MYB: variants seen among roughly 807,000 people sequenced by gnomAD.
The protein encoded by MYB is MYB proto-oncogene, transcription factor.
Under a neutral mutation model 92.9 loss-of-function variants are expected in MYB, and 28 were observed. The observed-to-expected ratio is 0.30, with a 90% CI of 0.22 to 0.41. MYB has a LOEUF of 0.41. Ranked by LOEUF, MYB falls within the 10% of genes least tolerant of loss-of-function variation. The pLI, the probability that MYB is intolerant of heterozygous loss-of-function variation, is 1.00. For synonymous variants in MYB, 295 were observed against 329.1 expected, an observed-to-expected ratio of 0.90 and a Z score of 1.12; for missense variants, 679 against 929.3, an observed-to-expected ratio of 0.73 and a Z score of 3.50.
chr6:135,197,255 T>C lies in MYB; in HGVS notation c.1498T>C (p.Phe500Leu). ...CACTGGAGACTGTAGCTCCTTCATA[T>C]TTGCTGACGTCAGCAGTTCAACTCC... ...LATGDCSSFIFADVSSSTPKR... is the reference protein window; with the variant it reads ...LATGDCSSFILADVSSSTPKR... Residue 500 changes from phenylalanine (F) to leucine (L), a missense_variant, in exon 10 of 16, where the codon TTT becomes CTT. Coordinates refer to ENST00000341911, the MANE Select transcript of MYB (RefSeq NM_001130173.2). The C allele has an allele frequency of 6.2e-7, 1 of 1,613,986 alleles. No individual in the cohort carries two copies.
intron 15 of MYB, among the ~76,000 whole-genome samples, chr6:135,210,501 G>T (rs210949): frequency 0.37 from 55,588 of 152,106 alleles, 10,165 homozygotes; most frequent in East Asian, 0.4. Context: ...CTCAGCTTTC[G>T]GTTCAGCGTG....
In MYB at chr6:135,185,966, G is replaced by A; in HGVS notation, c.87G>A (p.Leu29=). ...FEMCDHDYDG[L]LPKSGKRHLG... is the part of the protein sequence containing the mutation. ...TGTGTGACCATGACTATGATGGGCTGCTTCCCAAGTCTGGAAAGCGTCACT... is the reference window on the plus strand; with the variant it reads ...TGTGTGACCATGACTATGATGGGCTACTTCCCAAGTCTGGAAAGCGTCACT... Residue 29 remains leucine, a synonymous_variant, in exon 2 of 16, where the codon CTG becomes CTA. Coordinates refer to ENST00000341911, the MANE Select transcript of MYB (RefSeq NM_001130173.2). 1 of 1,614,174 alleles carries A rather than the reference G, an allele frequency of 6.2e-7. No homozygotes were observed. The highest frequency in any genetic ancestry group is 8.5e-7 in the Non-Finnish European group (1 of 1,180,026).
rs1775283127 is a variant in MYB at position 135,182,845 on chromosome 6, C to G, written c.23+1309C>G. Among the ~76,000 whole-genome samples, 1 of 151,960 alleles carries G rather than the reference C, an allele frequency of 6.6e-6. No homozygotes were observed. The highest frequency in any genetic ancestry group is 2.1e-4 in the South Asian group (1 of 4,828). Reference sequence around the variant, plus strand: ...GCGGGCTGGGCTGGGCGGGGAGCAGCGCCGGGGCTTGGTTGGGCTCTGGGG... The same window carrying G: ...GCGGGCTGGGCTGGGCGGGGAGCAGGGCCGGGGCTTGGTTGGGCTCTGGGG... On this transcript the variant is annotated intron_variant, in intron 1 of 15. Transcript: ENST00000341911. This position sits in a 1 kb window ranked among gnomAD's most constrained non-coding sequence, Gnocchi z 5.6.
At chr6:135,194,999 T>C in intron 8 of MYB, 1 of 1,340,448 alleles carries the variant, frequency 7.5e-7, no homozygotes, top group Non-Finnish European at 9.8e-7. Flanking sequence ...CTTTAGCGAC[T>C]GGGCAGCCAA....
chr6:135,194,662 G>T, intron 8 of MYB: 1 of 568,954 alleles, frequency 1.8e-6, no homozygotes, highest in Non-Finnish European at 3.0e-6. Flanking sequence ...TTTTGTAATT[G>T]CAATAAAAAT....
At chr6:135,205,443 A>G (rs1334358939) in intron 15 of MYB, among the ~76,000 whole-genome samples, 1 of 152,226 alleles carries the variant, frequency 6.6e-6, no homozygotes, top group Non-Finnish European at 1.5e-5. Flanking sequence ...ACTTGGGGAC[A>G]ATTACCATTA....
chr6:135,181,431 A>G lies in MYB; in HGVS notation c.-83A>G. The G allele has an allele frequency of 1.0e-6, 1 of 984,764 alleles. No homozygotes were observed. The allele number at this position is 984,764 out of a possible 1,614,324, so 61.0% of individuals were successfully genotyped here. ...AGCGCCGCTGCGCAGCCGGGGAGGG[A>G]CGCAGGCAGGCGGCGGGCAGCGGGA... On this transcript the variant is annotated 5_prime_UTR_variant, in exon 1 of 16. Transcript: ENST00000341911. This position sits in a 1 kb window ranked among gnomAD's most constrained non-coding sequence, Gnocchi z 5.3.
Position 135,197,119 on chromosome 6 carries a change from T to A in MYB, c.1362T>A (p.Arg454=). The part of the protein sequence containing the change: ...AGEPSPRVNK[R]MLSESSLDPP... ...AACCTAGCCCAAGGGTGAACAAACG[T>A]ATGTTGAGTGAGAGTTCACTTGACC... The change falls in exon 10 of 16, where the codon CGT becomes CGA. Residue 454 remains arginine, a synonymous_variant. Transcript: ENST00000341911. 1 of 1,613,882 alleles carries A rather than the reference T, an allele frequency of 6.2e-7. No individual in the cohort carries two copies. Among genetic ancestry groups the A allele is most frequent in the Non-Finnish European group, 8.5e-7 (1 of 1,179,872 alleles).
rs1220889492 is a variant in MYB, at chr6:135,218,289, T to G, written c.*309T>G. ...AATGATTTATCTGTATTTTAAAGGATCCAACAGATCAGTATTTTTTCCTGT... is the reference window on the plus strand; with the variant it reads ...AATGATTTATCTGTATTTTAAAGGAGCCAACAGATCAGTATTTTTTCCTGT... On this transcript the variant is annotated 3_prime_UTR_variant, in exon 16 of 16. Coordinates refer to ENST00000341911, the MANE Select transcript of MYB (RefSeq NM_001130173.2). 3 of 307,506 alleles carry G rather than the reference T, an allele frequency of 9.8e-6. No individual in the cohort carries two copies. The highest frequency in any genetic ancestry group is 1.2e-5 in the Non-Finnish European group (2 of 164,058). The allele number at this position is 307,506 out of a possible 1,614,324, so 19.0% of individuals were successfully genotyped here.
intron 1 of MYB, among the ~76,000 whole-genome samples, chr6:135,183,952 G>T (rs962431755): frequency 1.3e-5 from 2 of 152,220 alleles, no homozygotes; most frequent in African/African-American, 4.8e-5. Flanking sequence ...AAGTCATACA[G>T]CTAGGTGGAG....
intron 15 of MYB, 107 bp downstream of exon 15, chr6:135,203,431 C>T (rs1291244698): frequency 3.4e-6 from 3 of 890,830 alleles, no homozygotes; most frequent in East Asian, 2.5e-5. Context: ...GTCTGTTTTT[C>T]GTTTTCAACA....
At chr6:135,203,807 A>G in intron 15 of MYB, 1 of 1,287,928 alleles carries the variant, frequency 7.8e-7, no homozygotes, top group Admixed American at 2.4e-5. Context: ...TGTCAGAATA[A>G]GAAAGTCAAC....
Position 135,200,421 on chromosome 6 carries a change from C to T in MYB, c.1950+6C>T. 1 of 1,614,044 alleles carries T rather than the reference C, an allele frequency of 6.2e-7. No individual in the cohort carries two copies. The highest frequency in any genetic ancestry group is 8.5e-7 in the Non-Finnish European group (1 of 1,180,006). On this transcript the variant is annotated splice_donor_region_variant and intron_variant, in intron 13 of 15. Transcript: ENST00000341911. The stretch of plus-strand genomic sequence containing the variant: ...TGAAGAAAATCAAACAAGAGGTAAA[C>T]ACGCAACCCTTTGGAAGCAACAAGC...
chr6:135,200,488 T>G, intron 13 of MYB, 73 bp downstream of exon 13: 1 of 1,596,186 alleles, frequency 6.3e-7, no homozygotes, highest in South Asian at 1.1e-5. Flanking sequence ...CAGCTTGATG[T>G]GTCTGCCATT....
rs752423593 is a variant in MYB, at chr6:135,195,903, C to A, written c.1104C>A (p.Ser368Arg). The stretch of plus-strand genomic sequence containing the variant: ...ATCCTGGCTCCCTACCTGAAGAAAG[C>A]GCCTCGCCAGCAAGGTGCATGATCG... ...PADPGSLPEE[S>R]ASPARCMIVH... Residue 368 changes from serine to arginine, a missense_variant, in exon 9 of 16, where the codon AGC becomes AGA. By Grantham distance (110) the Ser-to-Arg change is moderately radical. Transcript: ENST00000341911. The A allele has an allele frequency of 6.2e-7, 1 of 1,614,154 alleles. No homozygotes were observed. The highest frequency in any genetic ancestry group is 8.5e-7 in the Non-Finnish European group (1 of 1,180,028).
intron 15 of MYB, among the ~76,000 whole-genome samples, chr6:135,208,874 C>A (rs932120394): frequency 6.6e-6 from 1 of 152,076 alleles, no homozygotes; most frequent in Non-Finnish European, 1.5e-5. Flanking sequence ...AAAATTGAAA[C>A]AATTTCACAC....
chr6:135,184,322 C>CTTTTTTTTTTT, intron 1 of MYB, among the ~76,000 whole-genome samples: 8 of 68,406 alleles, frequency 1.2e-4, no homozygotes, highest in African/African-American at 2.4e-4. Context: ...GGCTTTATAG[C>CTTTTTTTTTTT]TTTTTTTTTT....
chr6:135,194,850 T>C, intron 8 of MYB: 1 of 1,092,560 alleles, frequency 9.2e-7, no homozygotes, highest in Non-Finnish European at 1.2e-6. Context: ...TCATATTTTA[T>C]AATTTCAGAC....
At chr6:135,186,587 A>G (rs1466726609) in intron 2 of MYB, among the ~76,000 whole-genome samples, 4 of 152,230 alleles carry the variant, frequency 2.6e-5, no homozygotes, top group East Asian at 1.9e-4. Flanking sequence ...AACAAAACAA[A>G]CAAAAGAATA....
Sources: allele counts gnomAD v4.1 joint callset (sites outside exome capture counted in the v4.1 genomes callset), GRCh38; gene constraint gnomAD v4.1.1; non-coding constraint Gnocchi (gnomAD v3.1); transcripts MANE v1.5; gene names NCBI Gene and HGNC (gene_info 2026-07-23, HGNC 2026-07-21).